SEMA6A: variants seen among roughly 807,000 people sequenced by gnomAD.
SEMA6A encodes the protein semaphorin-6A.
In SEMA6A, 25 loss-of-function variants were observed where a neutral mutation model predicts 96.8. That is an observed-to-expected ratio of 0.26 (90% CI 0.19 to 0.36). SEMA6A has a LOEUF of 0.36. SEMA6A is among the 10% of genes least tolerant of loss of function. SEMA6A has a pLI of 1.00. For synonymous variants in SEMA6A, 612 were observed against 518.0 expected (o/e 1.18, Z -2.46); for missense variants, 1,363 against 1,323.1 (o/e 1.03, Z -0.47).
In SEMA6A at chr5:116,558,485, T is replaced by C. The variant is rs1760692620; in HGVS notation, c.-39+15700A>G. Among the ~76,000 whole-genome samples, 2 of 8,932 alleles carry C rather than the reference T, an allele frequency of 2.2e-4. 1 individual carries two copies. Among genetic ancestry groups the C allele is most frequent in the Admixed American group, 3.3e-3 (2 of 614 alleles). The allele number at this position is 8,932 out of a possible 152,430, so 5.9% of individuals were successfully genotyped here. ...TTTTTTTTTTTTTTGAGACGGAGTC[T>C]CGCTCTGTCGCCCAGGCCGGACTGC... On this transcript the variant is annotated intron_variant, in intron 1 of 18. Transcript: ENST00000343348.
intron 1 of SEMA6A, among the ~76,000 whole-genome samples, chr5:116,523,443 C>T (rs941174305): frequency 1.3e-5 from 2 of 152,020 alleles, no homozygotes; most frequent in African/African-American, 4.8e-5. Context: ...CCTCCCGAGT[C>T]TGAGACTACA....
intron 11 of SEMA6A, among the ~76,000 whole-genome samples, chr5:116,480,841 G>A (rs973210644): frequency 1.3e-5 from 2 of 152,148 alleles, no homozygotes; most frequent in African/African-American, 2.4e-5. Context: ...TGGCAGGTAT[G>A]AAAAGCCAAT....
At chr5:116,558,380 C>T (rs1467895887) in intron 1 of SEMA6A, among the ~76,000 whole-genome samples, 2 of 152,054 alleles carry the variant, frequency 1.3e-5, no homozygotes, top group East Asian at 1.9e-4. Flanking sequence ...TGGTTTGCTG[C>T]ACCTATCAAT....
At chr5:116,520,648 A>G (rs1467139896) in intron 1 of SEMA6A, among the ~76,000 whole-genome samples, 2 of 152,140 alleles carry the variant, frequency 1.3e-5, no homozygotes, top group African/African-American at 4.8e-5. Context: ...TTTCTGCTCA[A>G]AATAGGGAGG....
At chr5:116,531,409 G>A (rs989377165) in intron 1 of SEMA6A, among the ~76,000 whole-genome samples, 9 of 152,088 alleles carry the variant, frequency 5.9e-5, no homozygotes, top group African/African-American at 1.9e-4. Context: ...GAGCCCTCTG[G>A]ATGTTTCACC....
Position 116,499,580 on chromosome 5 carries a change from C to A in SEMA6A, c.219-2193G>T, listed in dbSNP as rs192436913. On this transcript the variant is annotated intron_variant, in intron 3 of 18. Transcript: ENST00000343348. ...GTAAAATTAAAAGGAGAGAAGAGGT[C>A]CTAAATATGGTGGGCATGGAACTCC... 1.2e-3 allele frequency among the ~76,000 whole-genome samples: 190 copies of A among 152,086 alleles called. 2 individuals are homozygous for A. The highest frequency in any genetic ancestry group is 0.012 in the South Asian group (57 of 4,816).
intron 1 of SEMA6A, among the ~76,000 whole-genome samples, chr5:116,506,066 A>T (rs2112778539): frequency 6.6e-6 from 1 of 152,350 alleles, no homozygotes; most frequent in African/African-American, 2.4e-5. Context: ...ACAGTAATCC[A>T]TCAATCATTT....
At chr5:116,564,079 C>G (rs1370843542) in intron 1 of SEMA6A, among the ~76,000 whole-genome samples, 1 of 152,222 alleles carries the variant, frequency 6.6e-6, no homozygotes, top group Non-Finnish European at 1.5e-5. Flanking sequence ...TTTTAATTTA[C>G]TTCACATTAT....
chr5:116,469,559 TAGAAAG>T (rs1755980994), intron 17 of SEMA6A: 1 of 152,166 alleles, frequency 6.6e-6, no homozygotes, highest in African/African-American at 2.4e-5. Flanking sequence ...TGTAGGGAGT[TAGAAAG>T]AGAAAGTGGG....
intron 1 of SEMA6A, among the ~76,000 whole-genome samples, chr5:116,516,985 C>T (rs116548357): frequency 0.026 from 3,909 of 152,172 alleles, 72 homozygotes; most frequent in Middle Eastern, 0.041. Context: ...AAGAAAAATA[C>T]GATTTGCTAT....
At chr5:116,497,057 C>T (rs1373497099) in intron 4 of SEMA6A, among the ~76,000 whole-genome samples, 2 of 151,936 alleles carry the variant, frequency 1.3e-5, no homozygotes, top group Admixed American at 6.6e-5. Context: ...ATAAATGAGG[C>T]AATATTTTTA....
At chr5:116,548,248 A>ACT (rs770646314) in intron 1 of SEMA6A, among the ~76,000 whole-genome samples, 3 of 151,506 alleles carry the variant, frequency 2.0e-5, no homozygotes. Context: ...AGGCTATCAC[A>ACT]CTCTCGATAC....
intron 5 of SEMA6A, chr5:116,495,729 A>C (rs1159445144): frequency 1.0e-5 from 5 of 491,838 alleles, no homozygotes; most frequent in Non-Finnish European, 1.8e-5. Flanking sequence ...CATAGAATGG[A>C]AGATTGTGTG....
intron 2 of SEMA6A, among the ~76,000 whole-genome samples, chr5:116,502,875 G>T (rs1482325692): frequency 2.0e-5 from 3 of 152,224 alleles, no homozygotes; most frequent in Non-Finnish European, 4.4e-5. Flanking sequence ...AGGTTGGTTG[G>T]CATTCTAGGA....
intron 9 of SEMA6A, chr5:116,487,204 G>GA (rs1757096611): frequency 2.2e-6 from 1 of 453,046 alleles, no homozygotes; most frequent in African/African-American, 2.0e-5. Context: ...ATCCTTCAGG[G>GA]AATCAGCTCC....
chr5:116,474,427 C>T (rs1411091981), intron 16 of SEMA6A, among the ~76,000 whole-genome samples: 1 of 152,112 alleles, frequency 6.6e-6, no homozygotes, highest in Non-Finnish European at 1.5e-5. Context: ...TAACATACAT[C>T]TTTTAGTGAT....
chr5:116,459,101 C>T (rs961793624), intron 18 of SEMA6A, among the ~76,000 whole-genome samples: 1 of 152,120 alleles, frequency 6.6e-6, no homozygotes, highest in Non-Finnish European at 1.5e-5. Context: ...AATTAAGCCA[C>T]CGTGCTCAGC....
chr5:116,455,256 G>A lies in SEMA6A; in HGVS notation c.1895-7445C>T, dbSNP rs564414939. 3.9e-5 allele frequency among the ~76,000 whole-genome samples: 6 copies of A among 152,284 alleles called. No individual in the cohort carries two copies. In the South Asian group the frequency reaches 1.0e-3, roughly 26 times the overall value. ...TGGGAGTGCTACAGCCAGAGCACGG[G>A]CTGATGTCTAGACTAAGAGTCATGA... On this transcript the variant is annotated intron_variant, in intron 18 of 18. Coordinates refer to ENST00000343348, the MANE Select transcript of SEMA6A (RefSeq NM_020796.5).
intron 18 of SEMA6A, among the ~76,000 whole-genome samples, chr5:116,464,985 T>C (rs185285642): frequency 2.0e-5 from 3 of 152,288 alleles, no homozygotes; most frequent in East Asian, 3.9e-4. Flanking sequence ...GGAAATGTGA[T>C]GGATTTTAGA....
Sources: allele counts gnomAD v4.1 joint callset (sites outside exome capture counted in the v4.1 genomes callset), GRCh38; gene constraint gnomAD v4.1.1; transcripts MANE v1.5; gene names NCBI Gene and HGNC (gene_info 2026-07-23, HGNC 2026-07-21).